The following ROS1 variants were observed in gnomAD, a reference collection of about 807,000 sequenced individuals.
The protein encoded by ROS1 is ROS proto-oncogene 1, receptor tyrosine kinase.
ROS1 carries 263 observed loss-of-function variants against 273.5 expected under a neutral mutation model. The observed-to-expected ratio is 0.96, with a 90% confidence interval of 0.87 to 1.06. The LOEUF (loss-of-function observed/expected upper bound fraction) is 1.06, where lower values mean the gene tolerates loss of function less well. Among genes scored for constraint, ROS1 ranks in the 50% least tolerant of loss-of-function variants. The pLI is 0.00. For missense variants in ROS1, 2,833 were observed against 2,751.1 expected (o/e 1.03, Z -0.67); for synonymous variants, 1,008 against 954.1 (o/e 1.06, Z -1.04).
chr6:117,378,966 G>A, intron 18 of ROS1, 93 bp downstream of exon 18: 6 of 774,086 alleles, frequency 7.8e-6, no homozygotes, highest in Non-Finnish European at 1.1e-5. Context: ...ACCAGAAAAT[G>A]TTTATTGAAG....
intron 43 of ROS1, among the ~76,000 whole-genome samples, chr6:117,298,828 T>C (rs550630503): frequency 1.6e-4 from 25 of 152,370 alleles, no homozygotes; most frequent in Non-Finnish European, 2.4e-4. Flanking sequence ...GCTTACACTA[T>C]GCCTTGCCCC....
chr6:117,318,117 G>T (rs2128556660), intron 38 of ROS1, 71 bp downstream of exon 38: 2 of 1,036,660 alleles, frequency 1.9e-6, no homozygotes, highest in South Asian at 2.6e-5. Context: ...ATGTCATTTT[G>T]GGTGTTAAAA....
chr6:117,408,775 T>G (rs1285818088), intron 5 of ROS1, among the ~76,000 whole-genome samples: 2 of 152,162 alleles, frequency 1.3e-5, no homozygotes, highest in Non-Finnish European at 2.9e-5. Flanking sequence ...GTATGTTTAT[T>G]GCAGCACTAT....
intron 43 of ROS1, among the ~76,000 whole-genome samples, chr6:117,295,286 T>C (rs1412219295): frequency 6.6e-6 from 1 of 152,212 alleles, no homozygotes; most frequent in Non-Finnish European, 1.5e-5. Flanking sequence ...GATATCCATA[T>C]GTAGAAGAAT....
At chr6:117,360,299 C>CACAT (rs58588396) in intron 23 of ROS1, 43 bp downstream of exon 23, 58 of 1,455,396 alleles carry the variant, frequency 4.0e-5, no homozygotes, top group Admixed American at 1.0e-4. Flanking sequence ...CACACACACA[C>CACAT]GCCTCTAAAT....
intron 18 of ROS1, among the ~76,000 whole-genome samples, chr6:117,377,386 C>G (rs1231241478): frequency 6.6e-6 from 1 of 152,136 alleles, no homozygotes; most frequent in Non-Finnish European, 1.5e-5. Flanking sequence ...GCTGGGATTA[C>G]AGGCGTGAGC....
intron 23 of ROS1, 58 bp from the exon 24 acceptor site, chr6:117,360,069 A>G: frequency 7.9e-6 from 11 of 1,398,946 alleles, no homozygotes; most frequent in Non-Finnish European, 1.0e-5. Flanking sequence ...TAGCTTAGCA[A>G]AGTCTCGATT....
At chr6:117,299,150 G>T (rs1325296699) in intron 43 of ROS1, among the ~76,000 whole-genome samples, 9 of 152,164 alleles carry the variant, frequency 5.9e-5, no homozygotes, top group Admixed American at 2.6e-4. Context: ...CTCTAATGAG[G>T]GTTATGACGC....
At chr6:117,367,964 T>TG (rs1425107713) in intron 18 of ROS1, among the ~76,000 whole-genome samples, 13 of 152,158 alleles carry the variant, frequency 8.5e-5, no homozygotes, top group African/African-American at 2.9e-4. Flanking sequence ...CTCCTACTCT[T>TG]GGTTAGTCAT....
At chr6:117,364,696 A>C (rs1457935373) in intron 21 of ROS1, among the ~76,000 whole-genome samples, 1 of 152,252 alleles carries the variant, frequency 6.6e-6, no homozygotes, top group African/African-American at 2.4e-5. Flanking sequence ...ATTCACCTAC[A>C]GAAGATTCTG....
chr6:117,318,439 G>T (rs1776069713), intron 37 of ROS1, among the ~76,000 whole-genome samples, 187 bp from the exon 38 acceptor site: 1 of 152,096 alleles, frequency 6.6e-6, no homozygotes, highest in African/African-American at 2.4e-5. Context: ...GCTAGTAGAA[G>T]AATATGCAAA....
At chr6:117,400,054 A>G (rs1362370867) in intron 7 of ROS1, among the ~76,000 whole-genome samples, 1 of 152,094 alleles carries the variant, frequency 6.6e-6, no homozygotes, top group Non-Finnish European at 1.5e-5. Context: ...TCCCAGTGTT[A>G]TTCTCACTAT....
chr6:117,317,038 C>G (rs2128555225), intron 39 of ROS1, 105 bp downstream of exon 39: 1 of 1,176,370 alleles, frequency 8.5e-7, no homozygotes, highest in South Asian at 1.7e-5. Flanking sequence ...CCATGTAAGT[C>G]TTCTAAGGTT....
At chr6:117,310,594 C>G (rs1318437002) in intron 40 of ROS1, among the ~76,000 whole-genome samples, 3 of 152,000 alleles carry the variant, frequency 2.0e-5, no homozygotes, top group Admixed American at 6.6e-5. Flanking sequence ...TCCCTGTGTC[C>G]ATGTGTTCTC....
intron 41 of ROS1, among the ~76,000 whole-genome samples, chr6:117,309,698 T>G (rs899786641): frequency 1.3e-5 from 2 of 152,146 alleles, no homozygotes; most frequent in African/African-American, 4.8e-5. Context: ...TAGGATACTT[T>G]TAAATCCATG....
intron 24 of ROS1, among the ~76,000 whole-genome samples, chr6:117,359,372 G>C (rs1779595353): frequency 6.6e-6 from 1 of 152,148 alleles, no homozygotes; most frequent in African/African-American, 2.4e-5. Context: ...GGAACCCTAT[G>C]ATGAGGTATT....
chr6:117,408,722 C>T (rs1294186395), intron 5 of ROS1, among the ~76,000 whole-genome samples: 1 of 152,000 alleles, frequency 6.6e-6, no homozygotes, highest in East Asian at 1.9e-4. Context: ...GGGTATATAC[C>T]CAAAGGATTA....
At position 117,329,402 on chromosome 6, in the gene ROS1, T is replaced by C; in HGVS notation, c.5275A>G (p.Ser1759Gly). 6.2e-7 allele frequency: 1 copy of C among 1,602,926 alleles called. No homozygotes were observed. The highest frequency in any genetic ancestry group is 8.5e-7 in the Non-Finnish European group (1 of 1,170,344). The change falls in exon 33 of 44, where the codon AGT becomes GGT. Residue 1759 changes from serine to glycine, a missense_variant. Coordinates refer to ENST00000368507, the MANE Select transcript of ROS1 (RefSeq NM_001378902.1). ...KPGIPKLLEG[S>G]KNSIQWEKAE... is the part of the protein sequence containing the mutation. ...TTCTCCCACTGTATTGAATTTTTAC[T>C]CCCTTCTAGTAATTTGGGAATGCCT...
intron 33 of ROS1, among the ~76,000 whole-genome samples, chr6:117,328,172 T>C (rs555310163): frequency 7.2e-5 from 11 of 152,138 alleles, no homozygotes; most frequent in Non-Finnish European, 1.5e-4. Flanking sequence ...GTACACAGAG[T>C]CTAACTAGAG....
Sources: allele counts gnomAD v4.1 joint callset (sites outside exome capture counted in the v4.1 genomes callset), GRCh38; gene constraint gnomAD v4.1.1; transcripts MANE v1.5; gene names NCBI Gene and HGNC (gene_info 2026-07-23, HGNC 2026-07-21).